Variants in DCC observed in about 807,000 individuals in gnomAD.
DCC encodes netrin receptor DCC.
A neutral mutation model predicts 172.5 loss-of-function variants in DCC; 58 were observed. That is an observed-to-expected ratio of 0.34 (90% CI 0.27 to 0.42). DCC has a LOEUF of 0.42. Ranked by LOEUF, DCC falls within the 10% of genes least tolerant of loss-of-function variation. The probability of loss-of-function intolerance (pLI) is 1.00; values close to 1 mark genes in which losing one functional copy is unlikely to be tolerated. For synonymous variants in DCC, 709 were observed against 644.5 expected, an observed-to-expected ratio of 1.10 and a Z score of -1.52; for missense variants, 1,740 against 1,791.0, an observed-to-expected ratio of 0.97 and a Z score of 0.51.
intron 2 of DCC, among the ~76,000 whole-genome samples, chr18:52,848,240 A>G (rs2038925992): frequency 6.6e-6 from 1 of 151,988 alleles, no homozygotes; most frequent in Admixed American, 6.6e-5. Context: ...ATCTGCCACC[A>G]TGCCCAGCTA....
chr18:53,500,931 A>G (rs1280673063), intron 27 of DCC, among the ~76,000 whole-genome samples: 1 of 152,072 alleles, frequency 6.6e-6, no homozygotes, highest in African/African-American at 2.4e-5. Flanking sequence ...TATGGGGAGG[A>G]TCTGCTACTT....
intron 1 of DCC, among the ~76,000 whole-genome samples, chr18:52,615,041 T>G (rs2034353756): frequency 6.6e-6 from 1 of 152,174 alleles, no homozygotes; most frequent in Non-Finnish European, 1.5e-5. Context: ...CATGGAAATG[T>G]CAGAGTTCTA....
intron 5 of DCC, among the ~76,000 whole-genome samples, chr18:52,976,107 C>G (rs1235224560): frequency 1.3e-5 from 2 of 151,966 alleles, no homozygotes; most frequent in Admixed American, 1.3e-4. Context: ...CTCTAATGAT[C>G]AGTGGTGAGC....
intron 26 of DCC, 59 bp downstream of exon 26, chr18:53,487,017 T>C (rs1211386201): frequency 3.7e-6 from 6 of 1,605,532 alleles, no homozygotes; most frequent in East Asian, 2.2e-5. Flanking sequence ...AGGTGTCTTG[T>C]AAAATATGTT....
intron 1 of DCC, among the ~76,000 whole-genome samples, chr18:52,453,133 C>A (rs1402107642): frequency 6.6e-6 from 1 of 152,178 alleles, no homozygotes; most frequent in Non-Finnish European, 1.5e-5. Context: ...TATAGCTACC[C>A]TCAAATAAAA....
intron 1 of DCC, among the ~76,000 whole-genome samples, chr18:52,585,802 G>A (rs948588720): frequency 9.9e-5 from 15 of 152,028 alleles, no homozygotes; most frequent in African/African-American, 3.4e-4. Flanking sequence ...CAACACTGTC[G>A]GCCGGGCGCG....
intron 3 of DCC, among the ~76,000 whole-genome samples, chr18:52,917,116 C>CAAAAAAAAAAAAAAAAAAAAACA (rs36010390): frequency 1.2e-5 from 1 of 82,426 alleles, no homozygotes; most frequent in Non-Finnish European, 2.2e-5. Flanking sequence ...AACCCCGTCT[C>CAAAAAAAAAAAAAAAAAAAAACA]AAAAAAAAAA....
At chr18:52,706,515 T>G (rs1490516314) in intron 1 of DCC, among the ~76,000 whole-genome samples, 1 of 152,226 alleles carries the variant, frequency 6.6e-6, no homozygotes. Context: ...GGGAGGCTAT[T>G]TCTGAATCCT....
At chr18:52,738,815 A>G (rs532828204) in intron 1 of DCC, among the ~76,000 whole-genome samples, 2 of 149,998 alleles carry the variant, frequency 1.3e-5, no homozygotes, top group African/African-American at 4.9e-5. Flanking sequence ...ACATGGCTCA[A>G]TGCAGCCTCA....
At chr18:52,657,364 G>A (rs1338803736) in intron 1 of DCC, among the ~76,000 whole-genome samples, 1 of 152,218 alleles carries the variant, frequency 6.6e-6, no homozygotes, top group African/African-American at 2.4e-5. Context: ...CATTTCGCCA[G>A]TGTTAGCTGG....
At chr18:53,294,176 A>G (rs1159288062) in intron 12 of DCC, among the ~76,000 whole-genome samples, 10 of 152,222 alleles carry the variant, frequency 6.6e-5, no homozygotes, top group Non-Finnish European at 1.2e-4. Context: ...TAAAAATGGA[A>G]CATATAAGAA....
chr18:52,918,766 T>A (rs12605883), intron 3 of DCC, among the ~76,000 whole-genome samples: 59,550 of 151,960 alleles, frequency 0.39, 12,274 homozygotes, highest in Non-Finnish European at 0.47. Context: ...GGCAGATATC[T>A]AGTTTAATAA....
At chr18:53,317,657 GCTATTGTTCTACT>G (rs1384404511) in intron 13 of DCC, among the ~76,000 whole-genome samples, 1 of 152,108 alleles carries the variant, frequency 6.6e-6, no homozygotes, top group Non-Finnish European at 1.5e-5. Flanking sequence ...TCCAGAACTT[GCTATTGTTCTACT>G]CAGGGATTCG....
intron 12 of DCC, among the ~76,000 whole-genome samples, chr18:53,225,555 A>G (rs76620553): frequency 0.025 from 3,879 of 152,240 alleles, 161 homozygotes; most frequent in African/African-American, 0.087. Context: ...ATGCTGATAT[A>G]TTAGTCAATT....
At chr18:53,471,311 C>T (rs1260477878) in intron 25 of DCC, among the ~76,000 whole-genome samples, 1 of 152,066 alleles carries the variant, frequency 6.6e-6, no homozygotes, top group African/African-American at 2.4e-5. Context: ...AAAAACAATC[C>T]AATTATACTC....
chr18:52,815,513 C>T (rs1167797069), intron 2 of DCC, among the ~76,000 whole-genome samples: 2 of 152,030 alleles, frequency 1.3e-5, no homozygotes, highest in Admixed American at 6.6e-5. Context: ...AAGGCAGCCA[C>T]TTGCAAAGAG....
intron 28 of DCC, among the ~76,000 whole-genome samples, chr18:53,527,435 TG>T (rs1236841547): frequency 2.6e-5 from 4 of 151,938 alleles, no homozygotes; most frequent in Non-Finnish European, 5.9e-5. Flanking sequence ...AGCTATATTA[TG>T]AGGGCTTTTT....
intron 14 of DCC, among the ~76,000 whole-genome samples, chr18:53,323,287 T>G (rs2057432379): frequency 6.6e-6 from 1 of 152,194 alleles, no homozygotes; most frequent in Non-Finnish European, 1.5e-5. Context: ...TTTCTCTTTT[T>G]GAATACCTCA....
intron 1 of DCC, among the ~76,000 whole-genome samples, chr18:52,693,662 T>C (rs116467690): frequency 6.6e-6 from 1 of 151,862 alleles, no homozygotes; most frequent in African/African-American, 2.4e-5. Flanking sequence ...ACTCTAAAAC[T>C]GGGTTAGAGA....
Sources: gnomAD v4.1 joint callset for allele counts (sites outside exome capture counted in the v4.1 genomes callset) on GRCh38, gnomAD v4.1.1 for gene constraint, MANE v1.5 for transcripts, NCBI Gene and HGNC (gene_info 2026-07-23, HGNC 2026-07-21) for gene names.